TP53BP1: variants seen among roughly 807,000 people sequenced by gnomAD.
TP53BP1 encodes the protein tumor protein p53 binding protein 1.
TP53BP1 carries 61 observed loss-of-function variants against 200.8 expected under a neutral mutation model. The ratio of observed to expected loss-of-function variants is 0.30; its 90% confidence interval spans 0.25 to 0.38. The LOEUF (loss-of-function observed/expected upper bound fraction) is 0.38. TP53BP1 is among the 10% of genes least tolerant of loss of function. The probability of loss-of-function intolerance (pLI) is 1.00; values close to 1 mark genes in which losing one functional copy is unlikely to be tolerated. For synonymous variants in TP53BP1, 822 were observed against 844.3 expected, an observed-to-expected ratio of 0.97 and a Z score of 0.46; for missense variants, 2,144 against 2,371.9, an observed-to-expected ratio of 0.90 and a Z score of 2.00.
chr15:43,409,476 T>C (rs2045039563), intron 25 of TP53BP1, 171 bp downstream of exon 25: 1 of 530,358 alleles, frequency 1.9e-6, no homozygotes, highest in South Asian at 3.1e-5. Context: ...TTCTCTTCCC[T>C]ATACACAACA....
At chr15:43,509,229 T>C (rs1324869040) in intron 1 of TP53BP1, among the ~76,000 whole-genome samples, 1 of 127,528 alleles carries the variant, frequency 7.8e-6, no homozygotes, top group African/African-American at 3.2e-5. Context: ...CACCGTCTCA[T>C]GTGTCATAGT....
chr15:43,409,724 G>C lies in TP53BP1; in HGVS notation c.5323C>G (p.Pro1775Ala). The change falls in exon 25 of 28, where the codon CCT (proline) becomes GCT (alanine). Residue 1775 changes from proline to alanine, a missense_variant. Physicochemically the swap from Pro to Ala is conservative, Grantham distance 27. Around this residue, in one of 4 missense-constraint regions of TP53BP1, gnomAD observed 334 missense variants for 453.4 expected, o/e 0.74. Coordinates refer to ENST00000382044, the MANE Select transcript of TP53BP1 (RefSeq NM_001141980.3). ...GATTCTGTATACTGCTTGTTGAAAG[G>C]AGGAATTTCCAAAAATTCTATATTA... ...EEEEEFLEIP[P>A]FNKQYTESQL... is the part of the protein sequence containing the mutation. 1 of 1,544,312 alleles carries C rather than the reference G, an allele frequency of 6.5e-7. No individual in the cohort carries two copies. Among genetic ancestry groups the C allele is most frequent in the South Asian group, 1.2e-5 (1 of 80,442 alleles).
chr15:43,409,167 G>C, intron 25 of TP53BP1, 71 bp from the exon 26 acceptor site: 1 of 1,404,150 alleles, frequency 7.1e-7, no homozygotes, highest in Admixed American at 1.8e-5. Context: ...CAGCCATAAT[G>C]AGCCATGAAG....
At position 43,456,681 on chromosome 15, in the gene TP53BP1, G is replaced by A; in HGVS notation, c.1927C>T (p.Leu643Phe). ...VPSPATRSEA[L>F]SSVLDQEEAM... ...TCCTCCTGATCTAACACACTAGAAA[G>A]TGCCTCAGATCGAGTAGCTGGTGAC... Residue 643 changes from leucine to phenylalanine, a missense_variant, in exon 12 of 28, where the codon CTT becomes TTT. Coordinates refer to ENST00000382044, the MANE Select transcript of TP53BP1 (RefSeq NM_001141980.3). 6.2e-7 allele frequency: 1 copy of A among 1,614,124 alleles called. No individual in the cohort carries two copies. Among genetic ancestry groups the A allele is most frequent in the Non-Finnish European group, 8.5e-7 (1 of 1,180,042 alleles).
At chr15:43,411,675 A>G (rs1321219271) in intron 24 of TP53BP1, among the ~76,000 whole-genome samples, 1 of 152,262 alleles carries the variant, frequency 6.6e-6, no homozygotes, top group African/African-American at 2.4e-5. Flanking sequence ...ATAAAGACAC[A>G]TTCACCATAA....
chr15:43,457,310 TC>T, intron 11 of TP53BP1, 92 bp from the exon 12 acceptor site: 1 of 1,188,164 alleles, frequency 8.4e-7, no homozygotes, highest in Admixed American at 3.3e-5. Context: ...ATTTCTAAAA[TC>T]AAATTTCTAA....
chr15:43,492,526 T>A, intron 1 of TP53BP1, 58 bp from the exon 2 acceptor site: 1 of 1,440,528 alleles, frequency 6.9e-7, no homozygotes, highest in African/African-American at 1.4e-5. Flanking sequence ...GCTCACGCAG[T>A]CTAAACCTAA....
At chr15:43,460,423 G>A (rs1421876511) in intron 11 of TP53BP1, among the ~76,000 whole-genome samples, 1 of 152,054 alleles carries the variant, frequency 6.6e-6, no homozygotes, top group Non-Finnish European at 1.5e-5. Context: ...ACCAGAGCCA[G>A]GTAATTTTTG....
At chr15:43,451,433 T>G (rs1168120346) in intron 12 of TP53BP1, among the ~76,000 whole-genome samples, 1 of 149,140 alleles carries the variant, frequency 6.7e-6, no homozygotes, top group Admixed American at 6.8e-5. Context: ...GAACATGCGG[T>G]GTTTGGTTTT....
At position 43,404,956 on chromosome 15, in the gene TP53BP1, G is replaced by A. The variant is rs1267264419; in HGVS notation, c.*2427C>T. ...CTAAACTTTAAAAAAAACTGATACC[G>A]AGATTCAGTGGTAGCTGGCTTCCCA... On this transcript the variant is annotated 3_prime_UTR_variant, in exon 28 of 28. Coordinates refer to ENST00000382044, the MANE Select transcript of TP53BP1 (RefSeq NM_001141980.3). The A allele has an allele frequency of 1.5e-5, 8 of 534,814 alleles. No homozygotes were observed. The highest frequency in any genetic ancestry group is 3.5e-5 in the Admixed American group (1 of 28,410). 33.1% of individuals were successfully genotyped at this position (534,814 alleles called of 1,614,324 possible).
chr15:43,439,609 A>T (rs891486101), intron 15 of TP53BP1, among the ~76,000 whole-genome samples: 2 of 152,232 alleles, frequency 1.3e-5, no homozygotes, highest in African/African-American at 4.8e-5. Context: ...GACAGAGCTT[A>T]CTTTAGATGA....
intron 11 of TP53BP1, among the ~76,000 whole-genome samples, chr15:43,462,837 A>C (rs2046472842): frequency 6.6e-6 from 1 of 152,032 alleles, no homozygotes; most frequent in Non-Finnish European, 1.5e-5. Flanking sequence ...CAGGCAGATC[A>C]CTTAAGGTCA....
intron 12 of TP53BP1, among the ~76,000 whole-genome samples, chr15:43,448,217 T>C (rs2046087705): frequency 1.3e-5 from 2 of 152,198 alleles, no homozygotes; most frequent in East Asian, 3.8e-4. Flanking sequence ...ATAAAGCTAC[T>C]TTCTACCTAG....
chr15:43,482,232 AAACAAC>A (rs138162379), intron 4 of TP53BP1, among the ~76,000 whole-genome samples: 60 of 151,796 alleles, frequency 4.0e-4, no homozygotes, highest in South Asian at 2.3e-3. Flanking sequence ...CCACCTCAAA[AAACAAC>A]AACAACAACA....
rs1468545597 is a variant in TP53BP1, at chr15:43,408,021, G to A, written c.5668C>T (p.Leu1890=). 1 of 1,614,028 alleles carries A rather than the reference G, an allele frequency of 6.2e-7. No homozygotes were observed. The highest frequency in any genetic ancestry group is 1.1e-5 in the South Asian group (1 of 91,078). The change falls in exon 27 of 28, where the codon CTG becomes TTG. Residue 1890 remains leucine, a synonymous_variant. Transcript: ENST00000382044. ...LLVSDQQQNF[L]ELWSEILMTG... ...ATGAGGATCTCAGACCAGAGCTCCAGGAAGTTCTGCTGTTGGTCTGATACC... is the reference window on the plus strand; with the variant it reads ...ATGAGGATCTCAGACCAGAGCTCCAAGAAGTTCTGCTGTTGGTCTGATACC...
At chr15:43,453,097 C>T (rs897073221) in intron 12 of TP53BP1, among the ~76,000 whole-genome samples, 3 of 146,498 alleles carry the variant, frequency 2.0e-5, no homozygotes, top group East Asian at 2.1e-4. Flanking sequence ...GGGAGGCTGA[C>T]GCAGGAGAAT....
At chr15:43,449,431 G>GCAA (rs1453964450) in intron 12 of TP53BP1, among the ~76,000 whole-genome samples, 1 of 152,212 alleles carries the variant, frequency 6.6e-6, no homozygotes, top group Non-Finnish European at 1.5e-5. Context: ...AATGCAATAT[G>GCAA]CAAGCATTAA....
At chr15:43,461,725 G>A (rs546591518) in intron 11 of TP53BP1, among the ~76,000 whole-genome samples, 1 of 151,274 alleles carries the variant, frequency 6.6e-6, no homozygotes, top group Non-Finnish European at 1.5e-5. Context: ...CTGAAGTGCA[G>A]TGGCACCATC....
At position 43,406,785 on chromosome 15, in the gene TP53BP1, G is replaced by C. The variant is rs976095190; in HGVS notation, c.*598C>G. ...CTTGTGCTTCCCATGTTTATCTTAC[G>C]GAAGGTCATTCCATCAAGCTTATGG... is the stretch of plus-strand genomic sequence containing the variant. On this transcript the variant is annotated 3_prime_UTR_variant, in exon 28 of 28. Coordinates refer to ENST00000382044, the MANE Select transcript of TP53BP1 (RefSeq NM_001141980.3). 110 of 351,868 alleles carry C rather than the reference G, an allele frequency of 3.1e-4. 2 individuals are homozygous for C. The highest frequency in any genetic ancestry group is 1.9e-4 in the South Asian group (8 of 42,284). 21.8% of individuals were successfully genotyped at this position (351,868 alleles called of 1,614,324 possible). A position where few individuals can be genotyped will look rare whatever the true frequency, so the allele number is the denominator to read the frequency against.
Sources: allele counts gnomAD v4.1 joint callset (sites outside exome capture counted in the v4.1 genomes callset), GRCh38; gene constraint gnomAD v4.1.1; regional missense constraint gnomAD v4.1.1; transcripts MANE v1.5; gene names NCBI Gene and HGNC (gene_info 2026-07-23, HGNC 2026-07-21).